CD82: variants seen among roughly 807,000 people sequenced by gnomAD.
CD82 encodes the protein CD82 antigen.
In CD82, 36 loss-of-function variants were observed where a neutral mutation model predicts 37.4. The ratio of observed to expected loss-of-function variants is 0.96; its 90% confidence interval spans 0.74 to 1.27. CD82 has a LOEUF of 1.27. Among genes scored for constraint, CD82 ranks in the 50% most tolerant of loss-of-function variants. The pLI, the probability that CD82 is intolerant of heterozygous loss-of-function variation, is 0.00. For synonymous variants in CD82, 158 were observed against 137.4 expected (o/e 1.15, Z -1.05); for missense variants, 340 against 347.0 (o/e 0.98, Z 0.16).
chr11:44,619,387 C>T lies in CD82; in HGVS notation c.*261C>T. ...GCAACTCAGAGAAAAATGCTCCCCA[C>T]AGCGTCCCTGGCGCAGGTGGGCTGG... On this transcript the variant is annotated 3_prime_UTR_variant, in exon 10 of 10. Transcript: ENST00000227155. 1.9e-6 allele frequency: 1 copy of T among 520,036 alleles called. No homozygotes were observed. Among genetic ancestry groups the T allele is most frequent in the Non-Finnish European group, 3.5e-6 (1 of 287,410 alleles). 32.2% of individuals were successfully genotyped at this position (520,036 alleles called of 1,614,324 possible).
intron 6 of CD82, among the ~76,000 whole-genome samples, chr11:44,612,300 CTT>C (rs971910517): frequency 6.6e-6 from 1 of 152,184 alleles, no homozygotes; most frequent in African/African-American, 2.4e-5. Flanking sequence ...GGCTGTGTGA[CTT>C]TGGGCAAGTT....
chr11:44,604,981 G>A lies in CD82; in HGVS notation c.137-77G>A, dbSNP rs749659575. Reference sequence around the variant, plus strand: ...CACCCTGGCTCCAAAGAGGGGATCCGGAAGAAGACCTGGACGGTTAGGCCA... The same window carrying A: ...CACCCTGGCTCCAAAGAGGGGATCCAGAAGAAGACCTGGACGGTTAGGCCA... On this transcript the variant is annotated intron_variant, in intron 4 of 9. Transcript: ENST00000227155. The A allele has an allele frequency of 2.4e-4, 383 of 1,604,610 alleles. 1 individual carries two copies. The highest frequency in any genetic ancestry group is 2.9e-4 in the Non-Finnish European group (341 of 1,172,078).
intron 7 of CD82, among the ~76,000 whole-genome samples, chr11:44,616,365 G>A (rs1020087863): frequency 6.6e-6 from 1 of 152,294 alleles, no homozygotes; most frequent in East Asian, 1.9e-4. Flanking sequence ...GGTCGCATAT[G>A]TAGTTTGACC....
At chr11:44,588,437 T>TGC (rs1394110227) in intron 2 of CD82, among the ~76,000 whole-genome samples, 3 of 152,156 alleles carry the variant, frequency 2.0e-5, no homozygotes, top group African/African-American at 7.2e-5. Context: ...TTGGCCAGGC[T>TGC]GGTCTCGAAC....
At chr11:44,604,006 T>G (rs1270992671) in intron 4 of CD82, among the ~76,000 whole-genome samples, 1 of 152,248 alleles carries the variant, frequency 6.6e-6, no homozygotes, top group Non-Finnish European at 1.5e-5. Flanking sequence ...GATCTTTGCT[T>G]GGCTGACTTC....
chr11:44,577,986 C>T (rs1852923046), intron 1 of CD82, among the ~76,000 whole-genome samples: 1 of 152,208 alleles, frequency 6.6e-6, no homozygotes, highest in African/African-American at 2.4e-5. Context: ...GTGACCCTCC[C>T]TGGGCACGTT....
intron 2 of CD82, among the ~76,000 whole-genome samples, chr11:44,593,202 G>C (rs1374614731): frequency 6.6e-6 from 1 of 152,264 alleles, no homozygotes; most frequent in Non-Finnish European, 1.5e-5. Flanking sequence ...GAACCTGTGT[G>C]TAGCCGGGGA....
chr11:44,569,391 G>A (rs1179098714), intron 1 of CD82, among the ~76,000 whole-genome samples: 8 of 152,210 alleles, frequency 5.3e-5, no homozygotes, highest in African/African-American at 1.7e-4. Context: ...TCACTGTGCT[G>A]ACATGGACAG....
chr11:44,568,359 A>G (rs941369215), intron 1 of CD82, among the ~76,000 whole-genome samples: 2 of 152,220 alleles, frequency 1.3e-5, no homozygotes, highest in African/African-American at 4.8e-5. Context: ...TCTCCTCCCT[A>G]TCCTGTCTGG....
chr11:44,605,881 C>T (rs1853387866), intron 6 of CD82, among the ~76,000 whole-genome samples: 1 of 152,238 alleles, frequency 6.6e-6, no homozygotes, highest in African/African-American at 2.4e-5. Context: ...ATGCCACTCA[C>T]CCACAAATGA....
At chr11:44,601,430 C>T (rs1389697750) in intron 4 of CD82, among the ~76,000 whole-genome samples, 1 of 152,058 alleles carries the variant, frequency 6.6e-6, no homozygotes, top group Non-Finnish European at 1.5e-5. Context: ...GGTGGGCTAC[C>T]CGTGCCCCCC....
chr11:44,616,213 A>G (rs1853561974), intron 7 of CD82, among the ~76,000 whole-genome samples: 1 of 152,270 alleles, frequency 6.6e-6, no homozygotes, highest in Middle Eastern at 3.4e-3. Context: ...GTTTGCAGAG[A>G]GGACACTCCA....
At chr11:44,607,511 C>T (rs1399747495) in intron 6 of CD82, among the ~76,000 whole-genome samples, 1 of 152,208 alleles carries the variant, frequency 6.6e-6, no homozygotes, top group African/African-American at 2.4e-5. Flanking sequence ...GAGCCGGTTT[C>T]TATGACTCAG....
chr11:44,618,804 G>C, intron 9 of CD82, 81 bp downstream of exon 9: 1 of 1,234,672 alleles, frequency 8.1e-7, no homozygotes, highest in Non-Finnish European at 1.2e-6. Flanking sequence ...TTGGGGAGGT[G>C]GTGGCCAAGG....
At chr11:44,608,869 A>AG (rs996637615) in intron 6 of CD82, among the ~76,000 whole-genome samples, 2 of 152,204 alleles carry the variant, frequency 1.3e-5, no homozygotes, top group African/African-American at 4.8e-5. Context: ...CGGAGCCCCC[A>AG]GGGGCTGCCT....
intron 2 of CD82, among the ~76,000 whole-genome samples, chr11:44,593,396 T>C (rs1853173710): frequency 6.6e-6 from 1 of 152,242 alleles, no homozygotes; most frequent in Non-Finnish European, 1.5e-5. Context: ...CCAGGCCAGC[T>C]GTCCAGGCCC....
At chr11:44,565,019 T>C (rs2134602883), upstream of CD82, among the ~76,000 whole-genome samples, 1 of 152,340 alleles carries the variant, frequency 6.6e-6, no homozygotes, top group East Asian at 1.9e-4. Flanking sequence ...TTTCAAAAAG[T>C]TCCTGGGCCC....
intron 7 of CD82, among the ~76,000 whole-genome samples, chr11:44,617,490 T>G (rs1853581369): frequency 7.6e-6 from 1 of 131,334 alleles, no homozygotes; most frequent in Non-Finnish European, 1.5e-5. Flanking sequence ...ACCCTGGAGG[T>G]GGAGGTTGCA....
chr11:44,590,477 G>A (rs557012624), intron 2 of CD82, among the ~76,000 whole-genome samples: 1 of 151,520 alleles, frequency 6.6e-6, no homozygotes, highest in East Asian at 2.0e-4. Flanking sequence ...CAGGCATGGT[G>A]GCGGGCGCCT....
Sources: allele counts gnomAD v4.1 joint callset (sites outside exome capture counted in the v4.1 genomes callset), GRCh38; gene constraint gnomAD v4.1.1; transcripts MANE v1.5; gene names NCBI Gene and HGNC (gene_info 2026-07-23, HGNC 2026-07-21).